The following SYT1 variants were observed in gnomAD, a reference collection of about 807,000 sequenced individuals.
SYT1 encodes synaptotagmin 1.
A neutral mutation model predicts 44.8 loss-of-function variants in SYT1; 8 were observed. The observed-to-expected ratio is 0.18, with a 90% confidence interval of 0.10 to 0.32. The LOEUF is 0.32. SYT1 is among the 10% of genes least tolerant of loss of function. The pLI is 1.00. For synonymous variants in SYT1, 154 were observed against 188.8 expected, an observed-to-expected ratio of 0.82 and a Z score of 1.51; for missense variants, 286 against 509.3, an observed-to-expected ratio of 0.56 and a Z score of 4.22.
chr12:78,983,677 A>G (rs1869432983), intron 2 of SYT1, among the ~76,000 whole-genome samples: 1 of 152,086 alleles, frequency 6.6e-6, no homozygotes, highest in Non-Finnish European at 1.5e-5. Flanking sequence ...GTCTGAATAC[A>G]CATCTTGAAA....
At chr12:79,080,214 C>T (rs1025076516) in intron 3 of SYT1, among the ~76,000 whole-genome samples, 1 of 151,902 alleles carries the variant, frequency 6.6e-6, no homozygotes, top group African/African-American at 2.4e-5. Flanking sequence ...GACATTTATC[C>T]AATGATATAA....
chr12:79,094,765 C>T (rs1438549816), intron 3 of SYT1, among the ~76,000 whole-genome samples: 2 of 151,788 alleles, frequency 1.3e-5, no homozygotes, highest in Admixed American at 6.6e-5. Context: ...TCTTATTATG[C>T]TCTGAGTATG....
At chr12:79,318,392 G>C (rs976910747) in intron 8 of SYT1, among the ~76,000 whole-genome samples, 2 of 152,170 alleles carry the variant, frequency 1.3e-5, no homozygotes, top group Admixed American at 6.5e-5. Context: ...ATGGAACCCT[G>C]CTTCCAGCAT....
rs1487626831 is a variant in SYT1 at position 79,347,074 on chromosome 12, C to T, written c.811-6428C>T. Among the ~76,000 whole-genome samples, 4 of 137,398 alleles carry T rather than the reference C, an allele frequency of 2.9e-5. No homozygotes were observed. The East Asian group carries it at 8.5e-4, about 29-fold the overall frequency. The allele number at this position is 137,398 out of a possible 152,430, so 90.1% of individuals were successfully genotyped here. The stretch of plus-strand genomic sequence containing the variant: ...TTTTTTTTTTGAACATGGACTAGGG[C>T]TTAATGGTTAGGAGTAATTTGATTA... On this transcript the variant is annotated intron_variant, in intron 8 of 10. Transcript: ENST00000261205.
intron 3 of SYT1, among the ~76,000 whole-genome samples, chr12:79,171,606 A>G (rs570272371): frequency 6.6e-6 from 1 of 152,070 alleles, no homozygotes; most frequent in African/African-American, 2.4e-5. Context: ...TATTCCTTCC[A>G]TAATTCACTT....
intron 9 of SYT1, among the ~76,000 whole-genome samples, chr12:79,370,229 A>C (rs987051668): frequency 6.6e-6 from 1 of 152,234 alleles, no homozygotes; most frequent in African/African-American, 2.4e-5. Flanking sequence ...AATCAGGGTC[A>C]TGCAGAGGGC....
At chr12:78,876,520 C>T (rs1042545979) in intron 1 of SYT1, among the ~76,000 whole-genome samples, 2 of 124,382 alleles carry the variant, frequency 1.6e-5, no homozygotes, top group Non-Finnish European at 3.3e-5. Flanking sequence ...CTTTTGTATC[C>T]TAAATATTTT....
intron 6 of SYT1, among the ~76,000 whole-genome samples, chr12:79,292,747 G>A (rs7313603): frequency 0.36 from 55,340 of 151,862 alleles, 10,348 homozygotes; most frequent in East Asian, 0.59. Flanking sequence ...GGAACTAAAG[G>A]AGGTAACAAA....
intron 1 of SYT1, among the ~76,000 whole-genome samples, chr12:78,879,106 G>A (rs1466618760): frequency 6.6e-6 from 1 of 151,694 alleles, no homozygotes; most frequent in African/African-American, 2.4e-5. Flanking sequence ...AGGCTTGGAA[G>A]AAGAGGATAT....
chr12:79,348,114 A>G (rs1882687145), intron 8 of SYT1, among the ~76,000 whole-genome samples: 1 of 152,152 alleles, frequency 6.6e-6, no homozygotes, highest in Admixed American at 6.6e-5. Flanking sequence ...CTTTTAGTGT[A>G]AGGAACAGAT....
chr12:78,961,314 GC>G (rs1879490501), intron 1 of SYT1, among the ~76,000 whole-genome samples: 2 of 151,896 alleles, frequency 1.3e-5, no homozygotes, highest in Middle Eastern at 3.4e-3. Flanking sequence ...TTATTGTGTT[GC>G]CCAAGCTGGT....
intron 8 of SYT1, among the ~76,000 whole-genome samples, chr12:79,303,016 A>T (rs1158560735): frequency 6.6e-6 from 1 of 152,176 alleles, no homozygotes; most frequent in East Asian, 1.9e-4. Flanking sequence ...GGCTACCAAT[A>T]TGTATAGCCC....
intron 3 of SYT1, among the ~76,000 whole-genome samples, chr12:79,142,879 C>A (rs1042192807): frequency 1.3e-5 from 2 of 152,098 alleles, no homozygotes; most frequent in African/African-American, 4.8e-5. Flanking sequence ...CTGCAGAATG[C>A]TTGGAGGAAT....
At position 79,099,513 on chromosome 12, in the gene SYT1, C is replaced by G. The variant is rs183626372; in HGVS notation, c.-18+52151C>G. Among the ~76,000 whole-genome samples, 160 of 152,100 alleles carry G rather than the reference C, an allele frequency of 1.1e-3. 1 individual carries two copies. The highest frequency in any genetic ancestry group is 3.6e-3 in the African/African-American group (151 of 41,510). On this transcript the variant is annotated intron_variant, in intron 3 of 10. Coordinates refer to ENST00000261205, the MANE Select transcript of SYT1 (RefSeq NM_005639.3). Reference sequence around the variant, plus strand: ...TGAGGTAGAACAGTGAACAATTACTCAAAAATCAGAAATATTGGAGGAATC... The same window carrying G: ...TGAGGTAGAACAGTGAACAATTACTGAAAAATCAGAAATATTGGAGGAATC...
chr12:78,918,186 A>T (rs1018657302), intron 1 of SYT1, among the ~76,000 whole-genome samples: 1 of 152,106 alleles, frequency 6.6e-6, no homozygotes, highest in Non-Finnish European at 1.5e-5. Flanking sequence ...GTAAATAAGT[A>T]GATAACTTTT....
At chr12:78,876,866 A>AATATGTATTACATATAAT (rs1874175197) in intron 1 of SYT1, among the ~76,000 whole-genome samples, 1 of 12,898 alleles carries the variant, frequency 7.8e-5, no homozygotes, top group African/African-American at 2.0e-4. Context: ...TAATATATAT[A>AATATGTATTACATATAAT]ATATATTATA....
chr12:79,382,827 G>A (rs1036886953), intron 9 of SYT1, among the ~76,000 whole-genome samples: 7 of 152,128 alleles, frequency 4.6e-5, no homozygotes, highest in African/African-American at 1.7e-4. Flanking sequence ...ATATAGTGCA[G>A]TCCCCACTTT....
At chr12:78,987,029 T>A (rs1352530913) in intron 2 of SYT1, among the ~76,000 whole-genome samples, 1 of 152,052 alleles carries the variant, frequency 6.6e-6, no homozygotes. Flanking sequence ...ATAAAGGGCT[T>A]ATATCTGAAT....
chr12:79,151,110 C>G (rs1396557516), intron 3 of SYT1, among the ~76,000 whole-genome samples: 1 of 152,050 alleles, frequency 6.6e-6, no homozygotes, highest in Non-Finnish European at 1.5e-5. Flanking sequence ...GTCCCAATGA[C>G]AGAATGAAGA....
Sources: gnomAD v4.1 joint callset for allele counts (sites outside exome capture counted in the v4.1 genomes callset) on GRCh38, gnomAD v4.1.1 for gene constraint, MANE v1.5 for transcripts, NCBI Gene and HGNC (gene_info 2026-07-23, HGNC 2026-07-21) for gene names.